Variants in PPP1R1C observed in about 807,000 individuals in gnomAD.
PPP1R1C encodes protein phosphatase 1 regulatory inhibitor subunit 1C.
In PPP1R1C, 15 loss-of-function variants were observed where a neutral mutation model predicts 17.4. That is an observed-to-expected ratio of 0.86 (90% CI 0.58 to 1.33). PPP1R1C has a LOEUF of 1.33. Ranked by LOEUF, PPP1R1C falls within the 40% of genes most tolerant of loss-of-function variation. The pLI is 0.00. For synonymous variants in PPP1R1C, 35 were observed against 43.1 expected, an observed-to-expected ratio of 0.81 and a Z score of 0.73; for missense variants, 143 against 130.0, an observed-to-expected ratio of 1.10 and a Z score of -0.48.
At chr2:182,127,518 C>T (rs7593639) in intron 5 of PPP1R1C, among the ~76,000 whole-genome samples, 42,114 of 151,948 alleles carry the variant, frequency 0.28, 6,786 homozygotes, top group African/African-American at 0.43. Flanking sequence ...TCATTTTTCT[C>T]AACATTCTCA....
intron 2 of PPP1R1C, among the ~76,000 whole-genome samples, chr2:181,979,232 G>A (rs985041843): frequency 2.0e-5 from 3 of 152,012 alleles, no homozygotes; most frequent in African/African-American, 7.2e-5. Flanking sequence ...TTACCATTTA[G>A]TGAGTGATAT....
At chr2:182,082,061 A>T (rs1389163426) in intron 4 of PPP1R1C, among the ~76,000 whole-genome samples, 2 of 152,210 alleles carry the variant, frequency 1.3e-5, no homozygotes, top group African/African-American at 2.4e-5. Flanking sequence ...GACAAAGCAG[A>T]CACCAACATA....
At chr2:182,105,060 G>T (rs1438980634) in intron 4 of PPP1R1C, among the ~76,000 whole-genome samples, 1 of 151,796 alleles carries the variant, frequency 6.6e-6, no homozygotes, top group Non-Finnish European at 1.5e-5. Context: ...AAGAGATATT[G>T]TAAAAAAAAA....
At chr2:182,077,817 C>G (rs1688358585) in intron 4 of PPP1R1C, among the ~76,000 whole-genome samples, 1 of 152,206 alleles carries the variant, frequency 6.6e-6, no homozygotes, top group Non-Finnish European at 1.5e-5. Context: ...GAACACAGTG[C>G]TTATGACCCT....
intron 1 of PPP1R1C, among the ~76,000 whole-genome samples, chr2:181,972,396 G>C (rs1174189018): frequency 1.3e-5 from 2 of 152,124 alleles, no homozygotes; most frequent in Admixed American, 6.5e-5. Context: ...CTGTGGAAAA[G>C]GTCATGCTGA....
intron 1 of PPP1R1C, among the ~76,000 whole-genome samples, chr2:181,971,597 G>A (rs1685008259): frequency 6.6e-6 from 1 of 152,114 alleles, no homozygotes; most frequent in African/African-American, 2.4e-5. Flanking sequence ...CACGTTCCCT[G>A]CAAGTCCCCT....
At chr2:182,093,185 A>T (rs1688837925) in intron 4 of PPP1R1C, among the ~76,000 whole-genome samples, 1 of 152,180 alleles carries the variant, frequency 6.6e-6, no homozygotes, top group Non-Finnish European at 1.5e-5. Context: ...ATCAGGCTCA[A>T]CACCATGTAG....
rs566768734 is a variant in PPP1R1C, at chr2:182,044,861, T to G, written c.143-16581T>G. ...TTATCATAGGCGTTAATCTACAAAC[T>G]GCATTTAAATGTGTTTTTATTCTAT... On this transcript the variant is annotated intron_variant, in intron 2 of 4. Coordinates refer to ENST00000682840, the MANE Select transcript of PPP1R1C (RefSeq NM_001080545.3). Among the ~76,000 whole-genome samples, 7 of 152,318 alleles carry G rather than the reference T, an allele frequency of 4.6e-5. No individual in the cohort carries two copies. In the East Asian group the frequency reaches 1.3e-3, roughly 29 times the overall value.
intron 1 of PPP1R1C, among the ~76,000 whole-genome samples, chr2:181,955,946 A>C (rs1016787534): frequency 6.6e-6 from 1 of 152,146 alleles, no homozygotes; most frequent in Non-Finnish European, 1.5e-5. Context: ...TTTGTTACAT[A>C]GGTACACATG....
At position 181,966,377 on chromosome 2, in the gene PPP1R1C, G is replaced by C. The variant is rs140621148; in HGVS notation, n.112-8842G>C. On this transcript the variant is annotated intron_variant and non_coding_transcript_variant, in intron 1 of 5. Transcript: ENST00000464264. Reference sequence around the variant, plus strand: ...TGGTGAAAGTGGACATCATGGTCATGTTCCAAATCTTAGAGGAAAGCCTTT... The same window carrying C: ...TGGTGAAAGTGGACATCATGGTCATCTTCCAAATCTTAGAGGAAAGCCTTT... Among the ~76,000 whole-genome samples the C allele has an allele frequency of 2.0e-5, 3 of 152,286 alleles. 1 individual carries two copies. The highest frequency in any genetic ancestry group is 3.9e-4 in the East Asian group (2 of 5,178).
intron 2 of PPP1R1C, among the ~76,000 whole-genome samples, chr2:181,979,284 T>C (rs1396172619): frequency 2.6e-5 from 4 of 152,226 alleles, no homozygotes; most frequent in Admixed American, 6.5e-5. Context: ...TCGTAGTTCA[T>C]CATTGTTCCA....
chr2:182,059,683 C>T (rs919388200), intron 2 of PPP1R1C, among the ~76,000 whole-genome samples: 5 of 151,844 alleles, frequency 3.3e-5, no homozygotes, highest in South Asian at 2.1e-4. Flanking sequence ...CTTGCCTTCA[C>T]GACATAAATA....
intron 4 of PPP1R1C, among the ~76,000 whole-genome samples, chr2:182,109,575 G>T (rs1466493445): frequency 1.3e-5 from 2 of 152,158 alleles, no homozygotes; most frequent in East Asian, 3.8e-4. Flanking sequence ...ATGTCCAGTT[G>T]TTCAAGTTCC....
At chr2:182,100,508 C>CG (rs911535254) in intron 4 of PPP1R1C, among the ~76,000 whole-genome samples, 3 of 141,618 alleles carry the variant, frequency 2.1e-5, no homozygotes, top group African/African-American at 8.0e-5. Flanking sequence ...GATTCCATCT[C>CG]GGAAAAAAAA....
intron 2 of PPP1R1C, among the ~76,000 whole-genome samples, chr2:182,057,917 T>G (rs2125193937): frequency 6.6e-6 from 1 of 152,262 alleles, no homozygotes; most frequent in Admixed American, 6.5e-5. Flanking sequence ...TTTTTCAAGT[T>G]TTTATTAATG....
intron 3 of PPP1R1C, among the ~76,000 whole-genome samples, chr2:182,063,263 T>C (rs151177575): frequency 6.6e-6 from 1 of 152,116 alleles, no homozygotes; most frequent in Non-Finnish European, 1.5e-5. Flanking sequence ...AACATGTCAA[T>C]TCAAGAGGGT....
chr2:182,041,574 CTCCAGTCT>C (rs1687183277), intron 2 of PPP1R1C, among the ~76,000 whole-genome samples: 1 of 142,806 alleles, frequency 7.0e-6, no homozygotes, highest in African/African-American at 2.7e-5. Flanking sequence ...ATGCCATTGA[CTCCAGTCT>C]AGGATGACAA....
At chr2:181,972,820 T>C (rs1482813463) in intron 1 of PPP1R1C, among the ~76,000 whole-genome samples, 2 of 152,228 alleles carry the variant, frequency 1.3e-5, no homozygotes, top group African/African-American at 4.8e-5. Flanking sequence ...TCATACTTTC[T>C]TAATTACCTA....
chr2:181,981,110 A>G (rs1685186519), upstream of PPP1R1C, among the ~76,000 whole-genome samples: 1 of 151,482 alleles, frequency 6.6e-6, no homozygotes, highest in Admixed American at 6.6e-5. Context: ...TTGTATTTTT[A>G]GTAGAGACGG....
Sources: gnomAD v4.1 joint callset for allele counts (sites outside exome capture counted in the v4.1 genomes callset) on GRCh38, gnomAD v4.1.1 for gene constraint, MANE v1.5 for transcripts, NCBI Gene and HGNC (gene_info 2026-07-23, HGNC 2026-07-21) for gene names.